CRPPA: variants seen among roughly 807,000 people sequenced by gnomAD.
CRPPA encodes CDP-L-ribitol pyrophosphorylase A.
In CRPPA, 43 loss-of-function variants were observed where a neutral mutation model predicts 52.0. The observed-to-expected ratio is 0.83, with a 90% CI of 0.65 to 1.07. CRPPA has a LOEUF of 1.07. Ranked by LOEUF, CRPPA falls within the 50% of genes least tolerant of loss-of-function variation. CRPPA has a pLI of 0.00. For synonymous variants in CRPPA, 250 were observed against 203.5 expected (o/e 1.23, Z -1.94); for missense variants, 629 against 551.7 (o/e 1.14, Z -1.40).
intron 2 of CRPPA, among the ~76,000 whole-genome samples, chr7:16,397,357 A>G (rs1408828702): frequency 6.6e-6 from 1 of 152,228 alleles, no homozygotes; most frequent in African/African-American, 2.4e-5. Context: ...GTTACAGGTG[A>G]CTGACGTGTG....
chr7:16,248,296 G>C (rs1416896638), intron 8 of CRPPA, among the ~76,000 whole-genome samples: 1 of 152,174 alleles, frequency 6.6e-6, no homozygotes, highest in Non-Finnish European at 1.5e-5. Context: ...CCATAATCAT[G>C]TCACTGCAAT....
chr7:16,093,980 G>T (rs1290585591), intron 9 of CRPPA, among the ~76,000 whole-genome samples: 1 of 152,088 alleles, frequency 6.6e-6, no homozygotes, highest in East Asian at 1.9e-4. Context: ...GTTTATACTT[G>T]TTATAATGAA....
rs186615848 is a variant in CRPPA at position 16,168,763 on chromosome 7, C to T, written c.1251+47303G>A. On this transcript the variant is annotated intron_variant, in intron 9 of 9. Transcript: ENST00000407010. ...TCTTGTTCAATGTTAGCCAGACTGA[C>T]GGTTACGTTAACAAATACACATGCT... 4.9e-4 allele frequency among the ~76,000 whole-genome samples: 74 copies of T among 152,140 alleles called. No homozygotes were observed. In the East Asian group the frequency reaches 6.7e-3, roughly 14 times the overall value.
chr7:16,260,608 C>G (rs1783769283), intron 6 of CRPPA, among the ~76,000 whole-genome samples: 2 of 151,864 alleles, frequency 1.3e-5, no homozygotes, highest in Admixed American at 1.3e-4. Flanking sequence ...TATTTGCATG[C>G]AAGTAAGGTA....
At chr7:16,399,821 C>T (rs542471958) in intron 2 of CRPPA, among the ~76,000 whole-genome samples, 13 of 152,138 alleles carry the variant, frequency 8.5e-5, no homozygotes, top group East Asian at 3.9e-4. Flanking sequence ...TTGATCGTCA[C>T]GTGATCAGCA....
intron 5 of CRPPA, among the ~76,000 whole-genome samples, chr7:16,300,317 G>C (rs7784785): frequency 0.5 from 76,031 of 151,970 alleles, 19,776 homozygotes; most frequent in Non-Finnish European, 0.58. Flanking sequence ...GATGCACTCA[G>C]AATGCAGGTT....
chr7:16,247,945 G>C (rs756543792), intron 8 of CRPPA: 11 of 151,932 alleles, frequency 7.2e-5, no homozygotes, highest in Non-Finnish European at 1.6e-4. Context: ...ACACGAGATG[G>C]AACTCAATAG....
chr7:16,266,517 C>T (rs1438152656), intron 6 of CRPPA, among the ~76,000 whole-genome samples: 4 of 149,424 alleles, frequency 2.7e-5, no homozygotes, highest in African/African-American at 9.9e-5. Context: ...CTTGCTCTGT[C>T]ACCCATGCTG....
intron 8 of CRPPA, among the ~76,000 whole-genome samples, chr7:16,246,035 C>T (rs1156754903): frequency 6.6e-6 from 1 of 151,852 alleles, no homozygotes; most frequent in African/African-American, 2.4e-5. Flanking sequence ...CTAGAGTGAT[C>T]CTTCTTTTCA....
intron 9 of CRPPA, among the ~76,000 whole-genome samples, chr7:16,195,565 A>G (rs1430974072): frequency 6.6e-6 from 1 of 151,638 alleles, no homozygotes; most frequent in African/African-American, 2.4e-5. Flanking sequence ...CCCTCTGGCC[A>G]GAAGATAGAG....
intron 8 of CRPPA, among the ~76,000 whole-genome samples, chr7:16,222,394 T>G (rs1782537998): frequency 6.7e-6 from 1 of 149,442 alleles, no homozygotes; most frequent in Non-Finnish European, 1.5e-5. Context: ...TGTATACATA[T>G]GTAACTAACC....
intron 1 of CRPPA, among the ~76,000 whole-genome samples, chr7:16,417,690 A>T (rs1328811222): frequency 6.6e-6 from 1 of 152,166 alleles, no homozygotes; most frequent in Non-Finnish European, 1.5e-5. Flanking sequence ...CACTCATTAC[A>T]TGGGTGATGG....
rs145942079 is a variant in CRPPA at position 16,280,876 on chromosome 7, C to T, written c.836-2650G>A. 4.4e-3 allele frequency among the ~76,000 whole-genome samples: 674 copies of T among 152,070 alleles called. 4 individuals are homozygous for T. Among genetic ancestry groups the T allele is most frequent in the Non-Finnish European group, 7.9e-3 (538 of 68,004 alleles). On this transcript the variant is annotated intron_variant, in intron 5 of 9. Coordinates refer to ENST00000407010, the MANE Select transcript of CRPPA (RefSeq NM_001101426.4). ...CTCTATTAAAAATACAAAAATTAGC[C>T]GGGCATGATGGTGCACTCCTGTAGT...
chr7:16,394,652 C>A (rs975015157), intron 2 of CRPPA, among the ~76,000 whole-genome samples: 1 of 152,202 alleles, frequency 6.6e-6, no homozygotes, highest in Non-Finnish European at 1.5e-5. Flanking sequence ...AAACTAGCTT[C>A]AAGAGCAGAA....
At chr7:16,326,337 C>G (rs1040446782) in intron 3 of CRPPA, among the ~76,000 whole-genome samples, 6 of 152,144 alleles carry the variant, frequency 3.9e-5, no homozygotes, top group African/African-American at 1.4e-4. Flanking sequence ...GATTAGCTTT[C>G]ACTGTGATGA....
At chr7:16,398,835 A>T (rs1224107296) in intron 2 of CRPPA, among the ~76,000 whole-genome samples, 1 of 152,188 alleles carries the variant, frequency 6.6e-6, no homozygotes, top group Non-Finnish European at 1.5e-5. Context: ...TTGACACGTG[A>T]CTGACGCGAT....
Position 16,128,774 on chromosome 7 carries a change from T to C in CRPPA, c.1252-36975A>G, listed in dbSNP as rs373505827. On this transcript the variant is annotated intron_variant, in intron 9 of 9. Transcript: ENST00000407010. ...GGACAAAGTTAGAAAAAGCCAAATA[T>C]GTTGCAATTATAACAGATTATGATA... Among the ~76,000 whole-genome samples, 75 of 152,154 alleles carry C rather than the reference T, an allele frequency of 4.9e-4. 1 individual carries two copies. The highest frequency in any genetic ancestry group is 1.7e-3 in the African/African-American group (71 of 41,532).
chr7:16,095,685 AAAG>A (rs1781922215), intron 9 of CRPPA, among the ~76,000 whole-genome samples: 2 of 152,138 alleles, frequency 1.3e-5, no homozygotes, highest in African/African-American at 4.8e-5. Flanking sequence ...TCCAATCTAC[AAAG>A]AAGAGAAACA....
intron 8 of CRPPA, among the ~76,000 whole-genome samples, chr7:16,227,763 T>C (rs978010736): frequency 4.0e-5 from 6 of 151,892 alleles, no homozygotes; most frequent in Admixed American, 2.0e-4. Flanking sequence ...CACCAATTTG[T>C]CTATTTTTGC....
Sources: allele counts gnomAD v4.1 joint callset (sites outside exome capture counted in the v4.1 genomes callset), GRCh38; gene constraint gnomAD v4.1.1; transcripts MANE v1.5; gene names NCBI Gene and HGNC (gene_info 2026-07-23, HGNC 2026-07-21).